The following GALNTL5 variants were observed in gnomAD, a reference collection of about 807,000 sequenced individuals.
GALNTL5 encodes inactive polypeptide N-acetylgalactosaminyltransferase-like protein 5.
Under a neutral mutation model 51.0 loss-of-function variants are expected in GALNTL5, and 44 were observed. The ratio of observed to expected loss-of-function variants is 0.86; its 90% CI spans 0.68 to 1.11. GALNTL5 has a LOEUF of 1.11. Among genes scored for constraint, GALNTL5 ranks in the 50% least tolerant of loss-of-function variants. The pLI, the probability that GALNTL5 is intolerant of heterozygous loss-of-function variation, is 0.00. For missense variants in GALNTL5, 528 were observed against 531.8 expected (o/e 0.99, Z 0.07); for synonymous variants, 192 against 182.8 (o/e 1.05, Z -0.41).
At chr7:151,985,230 G>A (rs181505059) in intron 4 of GALNTL5, among the ~76,000 whole-genome samples, 179 of 152,134 alleles carry the variant, frequency 1.2e-3, no homozygotes, top group Non-Finnish European at 1.6e-3. Context: ...CAAACATACC[G>A]GCCGTAAGAT....
intron 7 of GALNTL5, 138 bp from the exon 8 acceptor site, chr7:152,014,506 G>A: frequency 1.4e-6 from 1 of 710,598 alleles, no homozygotes; most frequent in Non-Finnish European, 2.2e-6. Flanking sequence ...TTCCTTAGGT[G>A]ATCTGACTGC....
chr7:151,960,141 G>C (rs2080974294), intron 1 of GALNTL5: 1 of 152,226 alleles, frequency 6.6e-6, no homozygotes, highest in African/African-American at 2.4e-5. Context: ...CTTTAAATTG[G>C]TGATTACCAC....
In GALNTL5 at chr7:151,993,041, T is replaced by A. The variant is rs13223037; in HGVS notation, c.658+5760T>A. Among the ~76,000 whole-genome samples, 244 of 152,106 alleles carry A rather than the reference T, an allele frequency of 1.6e-3. 2 individuals are homozygous for A. The highest frequency in any genetic ancestry group is 1.7e-3 in the Non-Finnish European group (119 of 68,016). On this transcript the variant is annotated intron_variant, in intron 5 of 8. Coordinates refer to ENST00000392800, the MANE Select transcript of GALNTL5 (RefSeq NM_145292.4). Reference sequence around the variant, plus strand: ...TCACCTGAGGTCGGGAGTTCGAGACTGGTCTGACCAACAGGGAGAACCCCC... The same window carrying A: ...TCACCTGAGGTCGGGAGTTCGAGACAGGTCTGACCAACAGGGAGAACCCCC...
rs560363538 is a variant in GALNTL5 at position 151,995,504 on chromosome 7, AAGG to A, written c.659-7207_659-7205del. ...ATGTGGGGTTCATGCAGTTTGAGAG[AAGG>A]AGTTTTTTTTTCTTCTATCAGCAAC... On this transcript the variant is annotated intron_variant, in intron 5 of 8. Transcript: ENST00000392800. Among the ~76,000 whole-genome samples the A allele has an allele frequency of 2.8e-3, 417 of 151,288 alleles. 3 individuals carry two copies. Among genetic ancestry groups the A allele is most frequent in the African/African-American group, 9.4e-3 (387 of 41,230 alleles).
At chr7:151,982,742 T>G (rs1422885103) in intron 3 of GALNTL5, 2 of 664,100 alleles carry the variant, frequency 3.0e-6, no homozygotes, top group Non-Finnish European at 2.5e-6. Flanking sequence ...ATCAACACAG[T>G]CTCAGGAAAG....
At chr7:151,957,342 G>C (rs1402910209) in intron 1 of GALNTL5, among the ~76,000 whole-genome samples, 1 of 148,360 alleles carries the variant, frequency 6.7e-6, no homozygotes, top group African/African-American at 2.5e-5. Context: ...TCAGGAGTTT[G>C]AGACCAGCCT....
intron 5 of GALNTL5, among the ~76,000 whole-genome samples, chr7:152,002,292 A>C (rs921293377): frequency 4.6e-5 from 7 of 152,020 alleles, no homozygotes; most frequent in Non-Finnish European, 1.0e-4. Context: ...AAAAAAAAAA[A>C]AACTTGAACT....
At chr7:151,970,547 G>A in intron 2 of GALNTL5, 1 of 179,856 alleles carries the variant, frequency 5.6e-6, no homozygotes, top group Admixed American at 5.5e-5. Context: ...TAGCTCATGG[G>A]AAAGCTGGTT....
At chr7:152,009,655 C>T (rs138023186) in intron 7 of GALNTL5, among the ~76,000 whole-genome samples, 1 of 152,174 alleles carries the variant, frequency 6.6e-6, no homozygotes, top group Admixed American at 6.5e-5. Context: ...CTTTCTGCAT[C>T]TGGTGTGAAA....
At chr7:151,991,913 T>G (rs1289319874) in intron 5 of GALNTL5, among the ~76,000 whole-genome samples, 2 of 152,192 alleles carry the variant, frequency 1.3e-5, no homozygotes, top group Non-Finnish European at 2.9e-5. Flanking sequence ...TCCCCACCCA[T>G]GGACATTTAT....
chr7:151,975,530 C>A (rs1432100134), intron 3 of GALNTL5, among the ~76,000 whole-genome samples: 1 of 151,644 alleles, frequency 6.6e-6, no homozygotes, highest in Admixed American at 6.6e-5. Flanking sequence ...TTTGGTTTGT[C>A]TTTTCTATTG....
intron 1 of GALNTL5, 21 bp downstream of exon 1, chr7:151,956,630 G>T (rs1386676836): frequency 1.3e-5 from 2 of 152,184 alleles, no homozygotes; most frequent in African/African-American, 2.4e-5. Context: ...TGAGCCCCAT[G>T]TGCTAGAAGT....
At chr7:151,971,433 T>C (rs1005534760) in intron 3 of GALNTL5, among the ~76,000 whole-genome samples, 1 of 152,136 alleles carries the variant, frequency 6.6e-6, no homozygotes, top group Admixed American at 6.5e-5. Flanking sequence ...ATTTACTTTT[T>C]TCAAAAAAAT....
chr7:151,976,813 G>A lies in GALNTL5; in HGVS notation c.368+5748G>A, dbSNP rs186250391. ...CTCCTGAGTAGCTGGGATTACAGGC[G>A]TGCACCACCACACCCGGTTAATTTT... On this transcript the variant is annotated intron_variant, in intron 3 of 8. Transcript: ENST00000392800. Among the ~76,000 whole-genome samples the A allele has an allele frequency of 8.5e-3, 1,296 of 152,010 alleles. 13 individuals are homozygous for A. The highest frequency in any genetic ancestry group is 0.027 in the African/African-American group (1,111 of 41,464).
At chr7:151,989,158 C>CT (rs555212740) in intron 5 of GALNTL5, among the ~76,000 whole-genome samples, 83 of 142,610 alleles carry the variant, frequency 5.8e-4, no homozygotes, top group Non-Finnish European at 5.4e-4. Flanking sequence ...TATTTTTTCT[C>CT]TTTTTTTTTT....
intron 5 of GALNTL5, among the ~76,000 whole-genome samples, chr7:152,001,284 A>G (rs576986810): frequency 5.9e-5 from 9 of 151,294 alleles, no homozygotes; most frequent in African/African-American, 2.2e-4. Context: ...ATTCCAACGT[A>G]TATGTTTTTT....
At chr7:151,964,431 G>A (rs531996963) in intron 1 of GALNTL5, among the ~76,000 whole-genome samples, 60 of 152,138 alleles carry the variant, frequency 3.9e-4, no homozygotes, top group African/African-American at 1.4e-3. Context: ...GAATCATGGG[G>A]GCAGGTCTTT....
intron 5 of GALNTL5, among the ~76,000 whole-genome samples, chr7:151,991,057 C>T (rs539868080): frequency 6.6e-6 from 1 of 151,776 alleles, no homozygotes; most frequent in Non-Finnish European, 1.5e-5. Context: ...TCTTCCTTAC[C>T]CTGCGATCAT....
intron 5 of GALNTL5, among the ~76,000 whole-genome samples, chr7:151,996,656 G>A (rs1395961129): frequency 6.6e-6 from 1 of 152,198 alleles, no homozygotes; most frequent in Non-Finnish European, 1.5e-5. Context: ...GGGCGAGGCA[G>A]GAGGATCGCT....
Sources: gnomAD v4.1 joint callset for allele counts (sites outside exome capture counted in the v4.1 genomes callset) on GRCh38, gnomAD v4.1.1 for gene constraint, MANE v1.5 for transcripts, NCBI Gene and HGNC (gene_info 2026-07-23, HGNC 2026-07-21) for gene names.